Variants in GALNT12 observed in about 807,000 individuals in gnomAD.
GALNT12 encodes the protein polypeptide N-acetylgalactosaminyltransferase 12.
GALNT12 carries 45 observed loss-of-function variants against 55.5 expected under a neutral mutation model. That is an observed-to-expected ratio of 0.81 (90% confidence interval 0.64 to 1.04). GALNT12 has a LOEUF of 1.04. Ranked by LOEUF, GALNT12 falls within the 50% of genes least tolerant of loss-of-function variation. The probability of loss-of-function intolerance (pLI) is 0.00; values close to 1 mark genes in which losing one functional copy is unlikely to be tolerated. For synonymous variants in GALNT12, 304 were observed against 312.2 expected (o/e 0.97, Z 0.28); for missense variants, 709 against 754.8 (o/e 0.94, Z 0.71).
At position 98,826,890 on chromosome 9, in the gene GALNT12, T is replaced by A. The variant is rs763057175; in HGVS notation, c.680T>A (p.Leu227Gln). Reference protein sequence around the residue: ...SAARGDVLTFLDCHCECHEGW... With the variant: ...SAARGDVLTFQDCHCECHEGW... Reference sequence around the variant, plus strand: ...GCGAGGGGCGATGTTCTGACCTTCCTGGACTGTCACTGTGAGTGCCACGAA... The same window carrying A: ...GCGAGGGGCGATGTTCTGACCTTCCAGGACTGTCACTGTGAGTGCCACGAA... Residue 227 changes from leucine (L) to glutamine (Q), a missense_variant, in exon 3 of 10, where the codon CTG becomes CAG. By Grantham distance (113) the Leu-to-Gln change is moderately radical (BLOSUM62 -2). Around this residue, in one of 5 missense-constraint regions of GALNT12, gnomAD observed 315 missense variants for 288.6 expected, o/e 1.09. Coordinates refer to ENST00000375011, the MANE Select transcript of GALNT12 (RefSeq NM_024642.5). The A allele has an allele frequency of 1.3e-5, 21 of 1,587,758 alleles. No homozygotes were observed. Among genetic ancestry groups the A allele is most frequent in the Non-Finnish European group, 1.8e-5 (21 of 1,167,120 alleles).
At chr9:98,832,510 C>T (rs999459014) in intron 4 of GALNT12, among the ~76,000 whole-genome samples, 3 of 151,968 alleles carry the variant, frequency 2.0e-5, no homozygotes, top group Non-Finnish European at 4.4e-5. Flanking sequence ...AGAGTGACAC[C>T]CTGTCTCTAT....
chr9:98,807,677 G>A lies in GALNT12; in HGVS notation c.-22G>A, dbSNP rs927224403. 2.9e-5 allele frequency: 32 copies of A among 1,114,998 alleles called. No individual in the cohort carries two copies. The highest frequency in any genetic ancestry group is 2.9e-5 in the Non-Finnish European group (27 of 915,440). The allele number at this position is 1,114,998 out of a possible 1,614,324, so 69.1% of individuals were successfully genotyped here. A position where few individuals can be genotyped will look rare whatever the true frequency, so the allele number is the denominator to read the frequency against. ...ACCGCCGCCTTGGGGCGCGCAGATC[G>A]CTGGCTGCAGTTGGCGGGCGCATGT... On this transcript the variant is annotated 5_prime_UTR_variant, in exon 1 of 10. Coordinates refer to ENST00000375011, the MANE Select transcript of GALNT12 (RefSeq NM_024642.5).
intron 1 of GALNT12, among the ~76,000 whole-genome samples, chr9:98,815,407 CA>C (rs1368602457): frequency 6.6e-6 from 1 of 152,116 alleles, no homozygotes; most frequent in African/African-American, 2.4e-5. Flanking sequence ...CTGTGGTGTT[CA>C]GTAGGTTAGG....
intron 1 of GALNT12, among the ~76,000 whole-genome samples, chr9:98,813,759 C>G (rs1319611080): frequency 6.6e-6 from 1 of 151,908 alleles, no homozygotes; most frequent in Non-Finnish European, 1.5e-5. Flanking sequence ...CTTGGCCTCT[C>G]AAAGTGCTGG....
chr9:98,827,092 C>G (rs1267513770), intron 3 of GALNT12, 151 bp downstream of exon 3: 4 of 842,014 alleles, frequency 4.8e-6, no homozygotes, highest in Non-Finnish European at 7.7e-6. Context: ...CTGCTTAGTT[C>G]GGCTGTTGAG....
intron 9 of GALNT12, chr9:98,848,665 C>T: frequency 2.2e-6 from 1 of 457,968 alleles, no homozygotes; most frequent in Non-Finnish European, 4.0e-6. Flanking sequence ...TTCCTGATTT[C>T]CCTGAAGGAA....
intron 1 of GALNT12, among the ~76,000 whole-genome samples, chr9:98,817,759 G>T (rs1409022483): frequency 6.6e-6 from 1 of 152,136 alleles, no homozygotes; most frequent in Non-Finnish European, 1.5e-5. Flanking sequence ...ACTGCACCCG[G>T]CCCAGAGTGA....
intron 1 of GALNT12, among the ~76,000 whole-genome samples, chr9:98,813,799 C>G (rs1394074221): frequency 1.0e-5 from 1 of 95,758 alleles, no homozygotes; most frequent in African/African-American, 4.7e-5. Flanking sequence ...AGCGCCCAGC[C>G]AAGAGATTTA....
At chr9:98,831,426 T>C (rs1435066384) in intron 3 of GALNT12, among the ~76,000 whole-genome samples, 3 of 152,244 alleles carry the variant, frequency 2.0e-5, no homozygotes, top group Non-Finnish European at 2.9e-5. Flanking sequence ...AGGAGATAAG[T>C]ATTTCTTGAT....
chr9:98,832,625 A>G (rs1394986275), intron 4 of GALNT12, among the ~76,000 whole-genome samples: 1 of 152,142 alleles, frequency 6.6e-6, no homozygotes, highest in East Asian at 1.9e-4. Context: ...ATTTTTCATC[A>G]TCCCACACAG....
Position 98,825,974 on chromosome 9 carries a change from CA to C in GALNT12, c.542-765del, listed in dbSNP as rs58512059. Among the ~76,000 whole-genome samples the C allele has an allele frequency of 2.3e-3, 316 of 135,988 alleles. 1 individual carries two copies. The highest frequency in any genetic ancestry group is 3.9e-3 in the African/African-American group (142 of 36,718). 89.2% of individuals were successfully genotyped at this position (135,988 alleles called of 152,430 possible). A position where few individuals can be genotyped will look rare whatever the true frequency, so the allele number is the denominator to read the frequency against. On this transcript the variant is annotated intron_variant, in intron 2 of 9. Coordinates refer to ENST00000375011, the MANE Select transcript of GALNT12 (RefSeq NM_024642.5). ...TGGCTGACAGAGTGAGACCCTGTCTCAAAAAAAAAAAAATCAACCAATTAAT... is the reference window on the plus strand; with the variant it reads ...TGGCTGACAGAGTGAGACCCTGTCTCAAAAAAAAAAAATCAACCAATTAAT...
intron 1 of GALNT12, among the ~76,000 whole-genome samples, chr9:98,818,341 G>A (rs1835662229): frequency 1.3e-5 from 2 of 152,096 alleles, no homozygotes; most frequent in African/African-American, 4.8e-5. Flanking sequence ...TCCTGCCTCA[G>A]CCTCCTGAGT....
At chr9:98,828,371 G>A (rs1411641689) in intron 3 of GALNT12, among the ~76,000 whole-genome samples, 1 of 152,186 alleles carries the variant, frequency 6.6e-6, no homozygotes, top group African/African-American at 2.4e-5. Flanking sequence ...GCCTGTGATG[G>A]AGCTGGAGAT....
intron 1 of GALNT12, among the ~76,000 whole-genome samples, chr9:98,816,283 G>A (rs1430700208): frequency 6.6e-6 from 1 of 151,410 alleles, no homozygotes; most frequent in Non-Finnish European, 1.5e-5. Context: ...TGAAAAATTG[G>A]CACCCAGCCT....
At chr9:98,828,386 G>T (rs185783473) in intron 3 of GALNT12, among the ~76,000 whole-genome samples, 237 of 152,326 alleles carry the variant, frequency 1.6e-3, no homozygotes, top group Non-Finnish European at 2.9e-3. Context: ...GGAGATTAGA[G>T]CACAGTTATG....
chr9:98,832,496 C>G (rs78567956), intron 4 of GALNT12, among the ~76,000 whole-genome samples: 7,157 of 152,064 alleles, frequency 0.047, 250 homozygotes, highest in East Asian at 0.16. Flanking sequence ...TGCAGCCGGG[C>G]GATAGAGTGA....
chr9:98,849,032 C>T lies in GALNT12; in HGVS notation c.1686C>T (p.Leu562=), dbSNP rs1278653635. Residue 562 remains leucine, a synonymous_variant, in exon 10 of 10, where the codon CTC becomes CTT. Coordinates refer to ENST00000375011, the MANE Select transcript of GALNT12 (RefSeq NM_024642.5). The part of the protein sequence containing the change: ...RKESSDSFVP[L]LRDCTNSDHQ... ...AGTCGAGTGACAGTTTCGTTCCACTCTTACGAGACTGCACCAACTCGGATC... is the reference window on the plus strand; with the variant it reads ...AGTCGAGTGACAGTTTCGTTCCACTTTTACGAGACTGCACCAACTCGGATC... 1.9e-6 allele frequency: 3 copies of T among 1,614,156 alleles called. No homozygotes were observed. The highest frequency in any genetic ancestry group is 2.5e-6 in the Non-Finnish European group (3 of 1,179,950).
chr9:98,826,874 G>T lies in GALNT12; in HGVS notation c.664G>T (p.Asp222Tyr), dbSNP rs947666286. Residue 222 changes from aspartate (D) to tyrosine (Y), a missense_variant, in exon 3 of 10, where the codon GAT (aspartate) becomes TAT (tyrosine). Asp to Tyr is a radical substitution (Grantham distance 160). Transcript: ENST00000375011. ...RLLGASAARG[D>Y]VLTFLDCHCE... ...GCTGGGGGCGTCTGCGGCGAGGGGC[G>T]ATGTTCTGACCTTCCTGGACTGTCA... 3.1e-6 allele frequency: 5 copies of T among 1,596,726 alleles called. No individual in the cohort carries two copies. Among genetic ancestry groups the T allele is most frequent in the Non-Finnish European group, 4.3e-6 (5 of 1,171,876 alleles).
chr9:98,823,042 A>G (rs1835779169), intron 1 of GALNT12, among the ~76,000 whole-genome samples: 1 of 152,174 alleles, frequency 6.6e-6, no homozygotes, highest in Non-Finnish European at 1.5e-5. Flanking sequence ...AGCTTAAAAC[A>G]ATATCCCACA....
Sources: gnomAD v4.1 joint callset for allele counts (sites outside exome capture counted in the v4.1 genomes callset) on GRCh38, gnomAD v4.1.1 for gene constraint, gnomAD v4.1.1 regional missense constraint, MANE v1.5 for transcripts, NCBI Gene and HGNC (gene_info 2026-07-23, HGNC 2026-07-21) for gene names.